HERC1: variants seen among roughly 807,000 people sequenced by gnomAD.
The protein encoded by HERC1 is probable E3 ubiquitin-protein ligase HERC1.
In HERC1, 160 loss-of-function variants were observed where a neutral mutation model predicts 554.3. That is an observed-to-expected ratio of 0.29 (90% confidence interval 0.25 to 0.33). HERC1 has a LOEUF of 0.33. Among genes scored for constraint, HERC1 ranks in the 10% least tolerant of loss-of-function variants. The pLI is 1.00. For missense variants in HERC1, 4,919 were observed against 5,918.5 expected (o/e 0.83, Z 5.54); for synonymous variants, 2,175 against 2,131.7 (o/e 1.02, Z -0.56).
In HERC1 at chr15:63,680,872, A is replaced by G. The variant is rs2071439279; in HGVS notation, c.6226-96T>C. ...TACTGAAAATATGTTTATAAATAATACTAATGCATTTATGGAAACATGTTA... is the reference window on the plus strand; with the variant it reads ...TACTGAAAATATGTTTATAAATAATGCTAATGCATTTATGGAAACATGTTA... On this transcript the variant is annotated intron_variant, in intron 34 of 77. Coordinates refer to ENST00000443617, the MANE Select transcript of HERC1 (RefSeq NM_003922.4). The surrounding 1 kb of genome is among the most constrained non-coding windows in gnomAD (Gnocchi z 5.8). 1.3e-6 allele frequency: 1 copy of G among 757,792 alleles called. No homozygotes were observed. The highest frequency in any genetic ancestry group is 2.8e-5 in the East Asian group (1 of 36,202). 46.9% of individuals were successfully genotyped at this position (757,792 alleles called of 1,614,324 possible).
intron 12 of HERC1, among the ~76,000 whole-genome samples, chr15:63,740,654 T>G (rs915057022): frequency 6.6e-6 from 1 of 152,254 alleles, no homozygotes; most frequent in Non-Finnish European, 1.5e-5. Context: ...GGTTTTGATT[T>G]GTATTTCCCT....
rs369912556 is a variant in HERC1 at position 63,678,233 on chromosome 15, G to A, written c.6682C>T (p.Arg2228Cys). Residue 2228 changes from arginine (R) to cysteine (C), a missense_variant, in exon 37 of 78, where the codon CGT becomes TGT. Physicochemically the swap from Arg to Cys is radical, Grantham distance 180. Transcript: ENST00000443617. The stretch of plus-strand genomic sequence containing the variant: ...TTTTTGTTAATGCAGTAAGTCCAAC[G>A]GTCTGTTCGGTGAAGGATACGGATG... ...QLIRILHRTD[R>C]WTYCINKKMM... is the part of the protein sequence containing the mutation. The A allele has an allele frequency of 1.9e-5, 30 of 1,613,424 alleles. No individual in the cohort carries two copies. The highest frequency in any genetic ancestry group is 1.6e-4 in the Middle Eastern group (1 of 6,084).
intron 2 of HERC1, among the ~76,000 whole-genome samples, chr15:63,770,006 G>A (rs1246271465): frequency 3.3e-5 from 5 of 151,930 alleles, no homozygotes; most frequent in African/African-American, 1.2e-4. Context: ...ATTTCCTTCC[G>A]TTCTGGCTGT....
At chr15:63,829,543 ATGTG>A (rs752906693) in intron 1 of HERC1, among the ~76,000 whole-genome samples, 10 of 89,654 alleles carry the variant, frequency 1.1e-4, no homozygotes, top group African/African-American at 1.7e-4. Flanking sequence ...ACATATATGT[ATGTG>A]TGTGTGTGTG....
At chr15:63,793,705 G>A (rs1022798426) in intron 1 of HERC1, among the ~76,000 whole-genome samples, 6 of 151,930 alleles carry the variant, frequency 3.9e-5, no homozygotes, top group African/African-American at 1.2e-4. Flanking sequence ...TCTTTCTTGC[G>A]CAAGATCCAA....
At chr15:63,623,611 C>G (rs2068179172) in intron 73 of HERC1, 114 bp downstream of exon 73, 3 of 1,029,444 alleles carry the variant, frequency 2.9e-6, no homozygotes, top group African/African-American at 1.6e-5. Context: ...ATGAGGCTCA[C>G]AAATGCATCC....
chr15:63,634,088 C>T (rs2068678979), intron 66 of HERC1, 118 bp from the exon 67 acceptor site: 2 of 1,120,460 alleles, frequency 1.8e-6, no homozygotes, highest in Non-Finnish European at 2.6e-6. Context: ...CAAATATCTA[C>T]AATGGTTTCA....
chr15:63,816,634 G>C (rs1211061723), intron 1 of HERC1, among the ~76,000 whole-genome samples: 1 of 152,120 alleles, frequency 6.6e-6, no homozygotes, highest in Non-Finnish European at 1.5e-5. Flanking sequence ...TTTAAATAAA[G>C]TGTATTTATT....
At chr15:63,808,532 T>C (rs1273713238) in intron 1 of HERC1, among the ~76,000 whole-genome samples, 2 of 152,170 alleles carry the variant, frequency 1.3e-5, no homozygotes, top group African/African-American at 4.8e-5. Flanking sequence ...GCAATCCTCC[T>C]GTCTCAGCCT....
chr15:63,699,988 A>C (rs1267094867), intron 25 of HERC1, among the ~76,000 whole-genome samples: 2 of 152,066 alleles, frequency 1.3e-5, no homozygotes, highest in Non-Finnish European at 1.5e-5. Context: ...ATTTATAATA[A>C]ATATCTGTGA....
At position 63,656,256 on chromosome 15, in the gene HERC1, G is replaced by C; in HGVS notation, c.9702C>G (p.Gly3234=). 1 of 1,613,800 alleles carries C rather than the reference G, an allele frequency of 6.2e-7. No individual in the cohort carries two copies. Among genetic ancestry groups the C allele is most frequent in the Non-Finnish European group, 8.5e-7 (1 of 1,179,796 alleles). The change falls in exon 49 of 78, where the codon GGC becomes GGG. Residue 3234 remains glycine (G), a synonymous_variant. Transcript: ENST00000443617. ...CCATGGCAGAAGGGCTGGTGGAGAGGCCAGCTCTCCCTGCTGCTGCCAAGC... is the reference window on the plus strand; with the variant it reads ...CCATGGCAGAAGGGCTGGTGGAGAGCCCAGCTCTCCCTGCTGCTGCCAAGC... ...LMCLAAAGRA[G]LSTSPSAMAS...
At chr15:63,693,343 A>C (rs1052790823) in intron 30 of HERC1, among the ~76,000 whole-genome samples, 40 of 151,198 alleles carry the variant, frequency 2.6e-4, no homozygotes, top group African/African-American at 9.7e-4. Context: ...TCCCGGGTTC[A>C]AGTGATTCTT....
Position 63,665,906 on chromosome 15 carries a change from A to G in HERC1, c.8555+13T>C, listed in dbSNP as rs10152174. Reference sequence around the variant, plus strand: ...TAACACATGGAACAAAAGTACAGAAACTGGAATTTCACCTTTCACTAAAAC... The same window carrying G: ...TAACACATGGAACAAAAGTACAGAAGCTGGAATTTCACCTTTCACTAAAAC... On this transcript the variant is annotated intron_variant, in intron 42 of 77. Transcript: ENST00000443617. 0.18 allele frequency: 294,698 copies of G among 1,593,388 alleles called. 29,269 individuals are homozygous for G. The highest frequency in any genetic ancestry group is 0.2 in the Non-Finnish European group (227,310 of 1,162,960).
At chr15:63,706,712 G>C (rs2073023122) in intron 25 of HERC1, 68 bp downstream of exon 25, 1 of 777,742 alleles carries the variant, frequency 1.3e-6, no homozygotes, top group Non-Finnish European at 1.9e-6. Context: ...TATTTACTAT[G>C]CTCTTTTTTT....
At position 63,652,495 on chromosome 15, in the gene HERC1, C is replaced by T. The variant is rs371360684; in HGVS notation, c.10337G>A (p.Ser3446Asn). Residue 3446 changes from serine to asparagine, a missense_variant, in exon 52 of 78, where the codon AGT becomes AAT. By Grantham distance (46) the Ser-to-Asn change is conservative (BLOSUM62 1). Around this residue, in one of 11 missense-constraint regions of HERC1, gnomAD observed 1,963 missense variants for 2,228.6 expected, o/e 0.88. Coordinates refer to ENST00000443617, the MANE Select transcript of HERC1 (RefSeq NM_003922.4). ...WCNKKGLLATSGNDGTIRVWN... is the reference protein window; with the variant it reads ...WCNKKGLLATNGNDGTIRVWN... ...TACGCGGATGGTGCCATCATTGCCA[C>T]TTGTAGCCAAAAGACCTTTTTTATT... 2.2e-5 allele frequency: 36 copies of T among 1,608,010 alleles called. No homozygotes were observed. The highest frequency in any genetic ancestry group is 6.7e-5 in the African/African-American group (5 of 74,904).
intron 1 of HERC1, among the ~76,000 whole-genome samples, chr15:63,802,006 CAT>C (rs1289839664): frequency 6.6e-6 from 1 of 152,202 alleles, no homozygotes; most frequent in African/African-American, 2.4e-5. Context: ...TCTACCAACC[CAT>C]GTCTCCCCCA....
At chr15:63,633,234 G>C (rs964122341) in intron 67 of HERC1, among the ~76,000 whole-genome samples, 1 of 152,222 alleles carries the variant, frequency 6.6e-6, no homozygotes, top group Non-Finnish European at 1.5e-5. Context: ...CACTAGTCTA[G>C]CTATCAGGAT....
In HERC1 at chr15:63,681,175, A is replaced by ATTGTT. The variant is rs144166394; in HGVS notation, c.6226-404_6226-400dup. Among the ~76,000 whole-genome samples the ATTGTT allele has an allele frequency of 4.4e-3, 674 of 151,926 alleles. 4 individuals are homozygous for ATTGTT. The highest frequency in any genetic ancestry group is 0.014 in the African/African-American group (576 of 41,470). ...ATATATTAAGCCTGAGACTAGGTGT[A>ATTGTT]TTGTTTTGTTTTGTTTTGTTTTGTT... On this transcript the variant is annotated intron_variant, in intron 34 of 77. Coordinates refer to ENST00000443617, the MANE Select transcript of HERC1 (RefSeq NM_003922.4).
Position 63,719,964 on chromosome 15 carries a change from A to G in HERC1, c.3743-1067T>C, listed in dbSNP as rs553951350. Among the ~76,000 whole-genome samples the G allele has an allele frequency of 5.3e-4, 81 of 152,216 alleles. 1 individual carries two copies. The highest frequency in any genetic ancestry group is 1.8e-3 in the African/African-American group (74 of 41,514). On this transcript the variant is annotated intron_variant, in intron 19 of 77. Coordinates refer to ENST00000443617, the MANE Select transcript of HERC1 (RefSeq NM_003922.4). Reference sequence around the variant, plus strand: ...ATGTATCTGGTATTTGATGCCATAAAAGTATATACTGTGAATACAAGTACA... The same window carrying G: ...ATGTATCTGGTATTTGATGCCATAAGAGTATATACTGTGAATACAAGTACA...
Sources: gnomAD v4.1 joint callset for allele counts (sites outside exome capture counted in the v4.1 genomes callset) on GRCh38, gnomAD v4.1.1 for gene constraint, gnomAD v4.1.1 regional missense constraint, Gnocchi (gnomAD v3.1) non-coding constraint, MANE v1.5 for transcripts, NCBI Gene and HGNC (gene_info 2026-07-23, HGNC 2026-07-21) for gene names.